The following MMD variants were observed in gnomAD, a reference collection of about 807,000 sequenced individuals.
MMD encodes the protein monocyte to macrophage differentiation factor.
Under a neutral mutation model 33.6 loss-of-function variants are expected in MMD, and 22 were observed. The observed-to-expected ratio is 0.66, with a 90% confidence interval of 0.47 to 0.94. The LOEUF is 0.94. Ranked by LOEUF, MMD falls within the 40% of genes least tolerant of loss-of-function variation. The pLI, the probability that MMD is intolerant of heterozygous loss-of-function variation, is 0.00. For synonymous variants in MMD, 97 were observed against 103.2 expected (o/e 0.94, Z 0.36); for missense variants, 242 against 309.8 (o/e 0.78, Z 1.64).
chr17:55,411,576 G>A (rs546209890), intron 2 of MMD, among the ~76,000 whole-genome samples, 159 bp from the exon 3 acceptor site: 2 of 152,282 alleles, frequency 1.3e-5, no homozygotes, highest in African/African-American at 4.8e-5. Context: ...GCCAGATGAA[G>A]TTAGCTGCTA....
intron 2 of MMD, among the ~76,000 whole-genome samples, chr17:55,412,556 G>A (rs1907805205): frequency 6.6e-6 from 1 of 152,174 alleles, no homozygotes; most frequent in African/African-American, 2.4e-5. Flanking sequence ...AGATATTAGA[G>A]TAAGCATACT....
intron 4 of MMD, among the ~76,000 whole-genome samples, chr17:55,404,194 A>G (rs1237012631): frequency 1.3e-5 from 2 of 152,022 alleles, no homozygotes; most frequent in Non-Finnish European, 2.9e-5. Flanking sequence ...ATCTCTACTA[A>G]AAATACAAAA....
intron 3 of MMD, among the ~76,000 whole-genome samples, chr17:55,410,343 T>G (rs945409540): frequency 5.9e-5 from 9 of 152,248 alleles, no homozygotes; most frequent in African/African-American, 2.2e-4. Flanking sequence ...GAGTTTTTTT[T>G]GGACGTTCTT....
rs1158724081 is a variant in MMD, at chr17:55,392,921, A to C, written c.*1413T>G. On this transcript the variant is annotated 3_prime_UTR_variant, in exon 7 of 7. Coordinates refer to ENST00000262065, the MANE Select transcript of MMD (RefSeq NM_012329.3). ...AGAGTTCTAAACATATACAAAATAAACCTCTTTTAAAGCCACATCAGTAAA... is the reference window on the plus strand; with the variant it reads ...AGAGTTCTAAACATATACAAAATAACCCTCTTTTAAAGCCACATCAGTAAA... 1 of 151,954 alleles carries C rather than the reference A, an allele frequency of 6.6e-6. No individual in the cohort carries two copies. Among genetic ancestry groups the C allele is most frequent in the African/African-American group, 2.4e-5 (1 of 41,370 alleles). 9.4% of individuals were successfully genotyped at this position (151,954 alleles called of 1,614,324 possible).
At chr17:55,406,723 A>T (rs1907562794) in intron 4 of MMD, among the ~76,000 whole-genome samples, 2 of 151,868 alleles carry the variant, frequency 1.3e-5, no homozygotes, top group South Asian at 4.2e-4. Flanking sequence ...TATCTCCACC[A>T]AAAAATACAA....
At chr17:55,414,074 G>C in intron 2 of MMD, 77 bp downstream of exon 2, 1 of 1,366,512 alleles carries the variant, frequency 7.3e-7, no homozygotes, top group South Asian at 1.2e-5. Flanking sequence ...TTGTGCTGAG[G>C]TTACTAGAGA....
chr17:55,402,087 C>CAA lies in MMD; in HGVS notation c.447-551_447-550dup, dbSNP rs55724383. 3.3e-3 allele frequency among the ~76,000 whole-genome samples: 307 copies of CAA among 91,954 alleles called. 2 individuals are homozygous for CAA. The highest frequency in any genetic ancestry group is 0.01 in the African/African-American group (241 of 23,094). The allele number at this position is 91,954 out of a possible 152,430, so 60.3% of individuals were successfully genotyped here. A position where few individuals can be genotyped will look rare whatever the true frequency, so the allele number is the denominator to read the frequency against. ...TGGGTGACAGAGCGAGACTCAGTCT[C>CAA]AAAAAAAAAAAAAAAAAGAAAAGAA... On this transcript the variant is annotated intron_variant, in intron 5 of 6. Transcript: ENST00000262065.
chr17:55,421,088 G>GC (rs1567853662), intron 1 of MMD, among the ~76,000 whole-genome samples: 1 of 152,184 alleles, frequency 6.6e-6, no homozygotes, highest in Non-Finnish European at 1.5e-5. Context: ...AACCAGCAAG[G>GC]CCCCTACACG....
At chr17:55,420,348 G>A (rs531464685) in intron 1 of MMD, 18 of 152,292 alleles carry the variant, frequency 1.2e-4, no homozygotes, top group African/African-American at 4.1e-4. Flanking sequence ...GAACACTACG[G>A]TTCCATTTTG....
At chr17:55,411,192 G>T in intron 3 of MMD, 65 bp downstream of exon 3, 1 of 1,533,042 alleles carries the variant, frequency 6.5e-7, no homozygotes, top group South Asian at 1.3e-5. Context: ...TGCCAGCTTG[G>T]AAGGGTACCA....
In MMD at chr17:55,411,237, C is replaced by T. The variant is rs1907748530; in HGVS notation, c.269+20G>A. The stretch of plus-strand genomic sequence containing the variant: ...AGTCAACTATTTGGATCTGTTGAAA[C>T]AGCATGTCATCCACTGTACCTTAAG... On this transcript the variant is annotated intron_variant, in intron 3 of 6. Transcript: ENST00000262065. The T allele has an allele frequency of 1.2e-6, 2 of 1,603,942 alleles. No individual in the cohort carries two copies. The highest frequency in any genetic ancestry group is 1.3e-5 in the African/African-American group (1 of 74,720).
At chr17:55,403,135 A>C (rs1907409733) in intron 5 of MMD, among the ~76,000 whole-genome samples, 1 of 152,158 alleles carries the variant, frequency 6.6e-6, no homozygotes, top group East Asian at 1.9e-4. Flanking sequence ...GCATATCCTA[A>C]ATGTTCTGAC....
intron 1 of MMD, chr17:55,420,242 C>T (rs1908126386): frequency 6.6e-6 from 1 of 152,064 alleles, no homozygotes; most frequent in South Asian, 2.1e-4. Flanking sequence ...AATCAAACCG[C>T]ATGCACAGGG....
At chr17:55,404,979 T>C (rs916696947) in intron 4 of MMD, among the ~76,000 whole-genome samples, 1 of 151,912 alleles carries the variant, frequency 6.6e-6, no homozygotes, top group Non-Finnish European at 1.5e-5. Context: ...GGAGAATCGC[T>C]TGAACCCAGG....
chr17:55,398,098 A>G (rs1907181897), intron 6 of MMD, among the ~76,000 whole-genome samples: 1 of 127,922 alleles, frequency 7.8e-6, no homozygotes, highest in Non-Finnish European at 1.6e-5. Flanking sequence ...AAAAGTTGTA[A>G]CTATTATTTC....
At chr17:55,419,332 G>A (rs1908087399) in intron 1 of MMD, among the ~76,000 whole-genome samples, 1 of 152,194 alleles carries the variant, frequency 6.6e-6, no homozygotes, top group Non-Finnish European at 1.5e-5. Flanking sequence ...TAGGTATCTT[G>A]GGGATACTCA....
chr17:55,413,893 A>G (rs1212963108), intron 2 of MMD, among the ~76,000 whole-genome samples: 1 of 152,364 alleles, frequency 6.6e-6, no homozygotes, highest in African/African-American at 2.4e-5. Context: ...ACTAGGGTAC[A>G]TACTATTATT....
chr17:55,405,936 A>G (rs1483966346), intron 4 of MMD, among the ~76,000 whole-genome samples: 2 of 152,374 alleles, frequency 1.3e-5, no homozygotes, highest in East Asian at 3.8e-4. Context: ...TTTCAAAGCA[A>G]CAAAAGATTA....
chr17:55,398,544 T>G (rs1164634903), intron 6 of MMD, among the ~76,000 whole-genome samples: 2 of 151,536 alleles, frequency 1.3e-5, no homozygotes, highest in African/African-American at 4.8e-5. Flanking sequence ...ATATTTATTA[T>G]TTATTTTATT....
Sources: allele counts gnomAD v4.1 joint callset (sites outside exome capture counted in the v4.1 genomes callset), GRCh38; gene constraint gnomAD v4.1.1; transcripts MANE v1.5; gene names NCBI Gene and HGNC (gene_info 2026-07-23, HGNC 2026-07-21).